GTF2IRD2B: variants seen among roughly 807,000 people sequenced by gnomAD.
GTF2IRD2B encodes general transcription factor II-I repeat domain-containing protein 2B.
A neutral mutation model predicts 55.6 loss-of-function variants in GTF2IRD2B; 10 were observed. The ratio of observed to expected loss-of-function variants is 0.18; its 90% CI spans 0.11 to 0.31. The LOEUF is 0.31. GTF2IRD2B is among the 10% of genes least tolerant of loss of function. GTF2IRD2B has a pLI of 1.00. For synonymous variants in GTF2IRD2B, 107 were observed against 320.5 expected (o/e 0.33, Z 7.12); for missense variants, 206 against 802.7 (o/e 0.26, Z 8.98).
At chr7:75,115,139 A>G (rs1554451166) in intron 3 of GTF2IRD2B, among the ~76,000 whole-genome samples, 1 of 98,888 alleles carries the variant, frequency 1.0e-5, no homozygotes, top group Non-Finnish European at 1.9e-5. Context: ...GTTTTACTAT[A>G]TTACCCAGTC....
At chr7:75,121,521 C>A (rs1314518831) in intron 4 of GTF2IRD2B, among the ~76,000 whole-genome samples, 1 of 148,494 alleles carries the variant, frequency 6.7e-6, no homozygotes, top group Non-Finnish European at 1.5e-5. Context: ...TGCATTGGCA[C>A]AATCTCAGCT....
At position 75,127,560 on chromosome 7, in the gene GTF2IRD2B, C is replaced by T. The variant is rs1477266054; in HGVS notation, c.670+1175C>T. On this transcript the variant is annotated intron_variant, in intron 8 of 15. Coordinates refer to ENST00000472837, the MANE Select transcript of GTF2IRD2B (RefSeq NM_001003795.3). ...ATGGGGACTAAGATGTTATTAAATACACATACTTTTGGACAGAATATTATT... is the reference window on the plus strand; with the variant it reads ...ATGGGGACTAAGATGTTATTAAATATACATACTTTTGGACAGAATATTATT... Among the ~76,000 whole-genome samples, 15 of 143,994 alleles carry T rather than the reference C, an allele frequency of 1.0e-4. 1 individual carries two copies. The highest frequency in any genetic ancestry group is 2.0e-4 in the East Asian group (1 of 4,882). The allele number at this position is 143,994 out of a possible 152,430, so 94.5% of individuals were successfully genotyped here.
intron 1 of GTF2IRD2B, among the ~76,000 whole-genome samples, chr7:75,104,978 G>T (rs1554421326): frequency 6.6e-6 from 1 of 152,140 alleles, no homozygotes; most frequent in Admixed American, 6.5e-5. Context: ...CAGGAAGATC[G>T]CTTGAGCCCA....
At chr7:75,105,187 CAAAACAA>C (rs1443561443) in intron 1 of GTF2IRD2B, among the ~76,000 whole-genome samples, 95 of 151,640 alleles carry the variant, frequency 6.3e-4, no homozygotes, top group African/African-American at 1.8e-3. Flanking sequence ...GATGCTGTCT[CAAAACAA>C]AAAACAAAAA....
At chr7:75,120,772 G>C in intron 3 of GTF2IRD2B, 119 bp from the exon 4 acceptor site, 1 of 1,522,440 alleles carries the variant, frequency 6.6e-7, no homozygotes, top group Non-Finnish European at 8.9e-7. Flanking sequence ...TTCTTTAAAA[G>C]ATCTTGTTTT....
chr7:75,118,033 A>T (rs1808230247), intron 3 of GTF2IRD2B, among the ~76,000 whole-genome samples: 1 of 151,210 alleles, frequency 6.6e-6, no homozygotes, highest in Non-Finnish European at 1.5e-5. Flanking sequence ...CAGTGAGCCA[A>T]GATCGTGCCA....
intron 1 of GTF2IRD2B, among the ~76,000 whole-genome samples, chr7:75,105,656 A>G (rs1223154857): frequency 5.2e-5 from 8 of 152,426 alleles, no homozygotes; most frequent in Non-Finnish European, 1.0e-4. Flanking sequence ...GTTCTCAGAA[A>G]GATGATAACT....
chr7:75,114,036 A>G (rs1419286467), intron 3 of GTF2IRD2B, among the ~76,000 whole-genome samples: 1 of 149,988 alleles, frequency 6.7e-6, no homozygotes, highest in Non-Finnish European at 1.5e-5. Context: ...ATGGATGGAT[A>G]GATAAGGGAG....
At chr7:75,105,048 T>C (rs1349988366) in intron 1 of GTF2IRD2B, among the ~76,000 whole-genome samples, 2 of 152,266 alleles carry the variant, frequency 1.3e-5, no homozygotes, top group Admixed American at 6.5e-5. Context: ...AATGCAAAAG[T>C]TAGCCAGGTG....
At chr7:75,120,088 C>G (rs1475806295) in intron 3 of GTF2IRD2B, among the ~76,000 whole-genome samples, 1 of 125,620 alleles carries the variant, frequency 8.0e-6, no homozygotes, top group Non-Finnish European at 1.6e-5. Flanking sequence ...GAGAACATGC[C>G]ACTGCACTCC....
At chr7:75,101,893 C>CAAAAAAA (rs1243907524) in intron 1 of GTF2IRD2B, among the ~76,000 whole-genome samples, 1 of 78,312 alleles carries the variant, frequency 1.3e-5, no homozygotes, top group Non-Finnish European at 2.3e-5. Flanking sequence ...GACCCCATCT[C>CAAAAAAA]AAAAAAAAAA....
At chr7:75,112,683 C>T in intron 3 of GTF2IRD2B, 148 bp downstream of exon 3, 2 of 1,591,088 alleles carry the variant, frequency 1.3e-6, no homozygotes, top group South Asian at 2.2e-5. Flanking sequence ...CAAATAAATA[C>T]TGCCTAACAC....
At position 75,148,250 on chromosome 7, in the gene GTF2IRD2B, G is replaced by A. The variant is rs587703965; in HGVS notation, c.1803G>A (p.Lys601=). Residue 601 remains lysine, a synonymous_variant, in exon 16 of 16, where the codon AAG becomes AAA. Transcript: ENST00000472837. ...ACGAGATCTTTTTGCGTGTTGAGAA[G>A]AGCCTGAAAAAGTTCTGTATCAACT... ...SGNEIFLRVE[K]SLKKFCINWS... 8.1e-6 allele frequency: 13 copies of A among 1,613,892 alleles called. No individual in the cohort carries two copies. The Admixed American group carries it at 1.0e-4, about 12-fold the overall frequency.
chr7:75,112,418 A>C lies in GTF2IRD2B; in HGVS notation c.121A>C (p.Lys41Gln). Reference protein sequence around the residue: ...ESMCKELAKSKAEVACIAVYE... With the variant: ...ESMCKELAKSQAEVACIAVYE... ...TCAGTGTAAAGAACTGGCCAAGTCC[A>C]AGGCAGAAGTGGCCTGCATCGCAGT... is the stretch of plus-strand genomic sequence containing the variant. The change falls in exon 3 of 16, where the codon AAG (lysine) becomes CAG (glutamine). Residue 41 changes from lysine (K) to glutamine (Q), a missense_variant. Physicochemically the swap from Lys to Gln is moderately conservative, Grantham distance 53 (BLOSUM62 1). Transcript: ENST00000472837. 1 of 529,908 alleles carries C rather than the reference A, an allele frequency of 1.9e-6. No homozygotes were observed. The allele number at this position is 529,908 out of a possible 1,614,324, so 32.8% of individuals were successfully genotyped here. A position where few individuals can be genotyped will look rare whatever the true frequency, so the allele number is the denominator to read the frequency against.
chr7:75,147,165 G>A (rs1466362768), intron 15 of GTF2IRD2B, among the ~76,000 whole-genome samples: 1 of 151,832 alleles, frequency 6.6e-6, no homozygotes, highest in African/African-American at 2.4e-5. Context: ...GGGTGCAGTG[G>A]CTCATGCCTG....
At chr7:75,096,590 T>G (rs1807386366) in intron 1 of GTF2IRD2B, among the ~76,000 whole-genome samples, 1 of 96,488 alleles carries the variant, frequency 1.0e-5, no homozygotes, top group African/African-American at 5.5e-5. Flanking sequence ...CGCCTGTCCT[T>G]TTTTTTTGGA....
chr7:75,114,138 T>G (rs1554451063), intron 3 of GTF2IRD2B, among the ~76,000 whole-genome samples: 1 of 147,548 alleles, frequency 6.8e-6, no homozygotes, highest in Non-Finnish European at 1.5e-5. Flanking sequence ...GAGAATTGAG[T>G]GATAGATTGA....
intron 8 of GTF2IRD2B, among the ~76,000 whole-genome samples, chr7:75,130,166 CTTCT>C (rs1161428017): frequency 1.6e-4 from 11 of 68,582 alleles, no homozygotes; most frequent in Middle Eastern, 5.8e-3. Context: ...TCTTTCTTTC[CTTCT>C]TTCTTTCTTT....
At chr7:75,103,947 G>A (rs1807672099) in intron 1 of GTF2IRD2B, among the ~76,000 whole-genome samples, 1 of 149,598 alleles carries the variant, frequency 6.7e-6, no homozygotes, top group Non-Finnish European at 1.5e-5. Flanking sequence ...CAGGAGAATG[G>A]CGTGAACCTG....
Sources: allele counts gnomAD v4.1 joint callset (sites outside exome capture counted in the v4.1 genomes callset), GRCh38; gene constraint gnomAD v4.1.1; transcripts MANE v1.5; gene names NCBI Gene and HGNC (gene_info 2026-07-23, HGNC 2026-07-21).